ZNF605: variants seen among roughly 807,000 people sequenced by gnomAD.
The protein encoded by ZNF605 is zinc finger protein 605.
ZNF605 carries 9 observed loss-of-function variants against 7.9 expected under a neutral mutation model. That is an observed-to-expected ratio of 1.14 (90% CI 0.68 to 1.98). ZNF605 has a LOEUF of 1.98. ZNF605 is among the 30% of genes most tolerant of loss of function. The pLI is 0.00. For synonymous variants in ZNF605, 255 were observed against 260.1 expected, an observed-to-expected ratio of 0.98 and a Z score of 0.19; for missense variants, 673 against 762.4, an observed-to-expected ratio of 0.88 and a Z score of 1.38.
chr12:132,931,219 T>C (rs1338530040), intron 4 of ZNF605, among the ~76,000 whole-genome samples: 1 of 152,166 alleles, frequency 6.6e-6, no homozygotes, highest in Non-Finnish European at 1.5e-5. Flanking sequence ...GGGTAGAGGC[T>C]TAGATGGAAA....
At chr12:132,929,748 C>G (rs1315209386) in intron 4 of ZNF605, among the ~76,000 whole-genome samples, 1 of 152,082 alleles carries the variant, frequency 6.6e-6, no homozygotes, top group Non-Finnish European at 1.5e-5. Flanking sequence ...GGATCGAGAC[C>G]AGCCTGGCCA....
chr12:132,945,336 C>A, intron 3 of ZNF605: 1 of 1,086,474 alleles, frequency 9.2e-7, no homozygotes. Context: ...TATATTTTCT[C>A]TTATTTAAAT....
chr12:132,929,899 C>T (rs1207413603), intron 4 of ZNF605, among the ~76,000 whole-genome samples: 8 of 152,120 alleles, frequency 5.3e-5, no homozygotes, highest in Admixed American at 1.3e-4. Context: ...GAGCTGAGAT[C>T]GTGCCACTGC....
At chr12:132,948,849 A>AC (rs1455913664) in intron 1 of ZNF605, among the ~76,000 whole-genome samples, 1 of 152,064 alleles carries the variant, frequency 6.6e-6, no homozygotes, top group East Asian at 1.9e-4. Flanking sequence ...ACGCTCAGGA[A>AC]CCCCACGGTG....
In ZNF605 at chr12:132,941,009, T is replaced by C. The variant is rs1952434021; in HGVS notation, c.15+4612A>G. Among the ~76,000 whole-genome samples the C allele has an allele frequency of 6.6e-6, 1 of 152,026 alleles. No homozygotes were observed. The highest frequency in any genetic ancestry group is 1.5e-5 in the Non-Finnish European group (1 of 68,000). On this transcript the variant is annotated intron_variant, in intron 3 of 4. Transcript: ENST00000360187. The surrounding 1 kb of genome is among the most constrained non-coding windows in gnomAD (Gnocchi z 5.1). The stretch of plus-strand genomic sequence containing the variant: ...CAGAGAACATTTGGTTTTCTGTTCC[T>C]GAGGATGAGACATTTAGATAAAAAT...
Position 132,923,302 on chromosome 12 carries a change from C to T in ZNF605, c.*2071G>A, listed in dbSNP as rs926268647. 5 of 152,186 alleles carry T rather than the reference C, an allele frequency of 3.3e-5. No homozygotes were observed. Among genetic ancestry groups the T allele is most frequent in the African/African-American group, 1.2e-4 (5 of 41,434 alleles). 9.4% of individuals were successfully genotyped at this position (152,186 alleles called of 1,614,324 possible). A position where few individuals can be genotyped will look rare whatever the true frequency, so the allele number is the denominator to read the frequency against. ...TCAGAACTTCATTCCTTTGTACAGA[C>T]CCAAACTTAAGTTTTGTATTATTTT... On this transcript the variant is annotated 3_prime_UTR_variant, in exon 5 of 5. Coordinates refer to ENST00000360187, the MANE Select transcript of ZNF605 (RefSeq NM_183238.4).
intron 3 of ZNF605, among the ~76,000 whole-genome samples, chr12:132,934,992 CAAAGACATGGAAAT>C (rs1478823004): frequency 1.9e-4 from 29 of 152,226 alleles, no homozygotes; most frequent in Non-Finnish European, 1.2e-4. Context: ...GCAGCATGAG[CAAAGACATGGAAAT>C]AAAGTGTGTT....
chr12:132,946,234 C>T (rs1952493010), intron 2 of ZNF605, among the ~76,000 whole-genome samples: 1 of 152,092 alleles, frequency 6.6e-6, no homozygotes, highest in Middle Eastern at 3.2e-3. Context: ...CAGAGTAAAA[C>T]ACCAACTTAC....
At chr12:132,943,956 T>C (rs1952472615) in intron 3 of ZNF605, among the ~76,000 whole-genome samples, 1 of 152,216 alleles carries the variant, frequency 6.6e-6, no homozygotes, top group Admixed American at 6.5e-5. Context: ...AACAGGCCCA[T>C]GCCCAGGAAC....
chr12:132,925,312 A>G lies in ZNF605; in HGVS notation c.*61T>C. 4 of 1,296,888 alleles carry G rather than the reference A, an allele frequency of 3.1e-6. No homozygotes were observed. Among genetic ancestry groups the G allele is most frequent in the Admixed American group, 4.7e-5 (2 of 42,952 alleles). 80.3% of individuals were successfully genotyped at this position (1,296,888 alleles called of 1,614,324 possible). A position where few individuals can be genotyped will look rare whatever the true frequency, so the allele number is the denominator to read the frequency against. The stretch of plus-strand genomic sequence containing the variant: ...GGTTTCTCTCCCACATGCATCCTCA[A>G]AAGTGTCAGAAAGTATGACACTTGA... On this transcript the variant is annotated 3_prime_UTR_variant, in exon 5 of 5. Coordinates refer to ENST00000360187, the MANE Select transcript of ZNF605 (RefSeq NM_183238.4).
intron 1 of ZNF605, among the ~76,000 whole-genome samples, chr12:132,952,586 C>T (rs773137146): frequency 1.2e-3 from 189 of 151,704 alleles, no homozygotes; most frequent in Non-Finnish European, 1.8e-3. Flanking sequence ...CAGTCCGCCA[C>T]GGAAGGCTGG....
chr12:132,955,767 G>A (rs1952630563), intron 1 of ZNF605, among the ~76,000 whole-genome samples: 1 of 151,880 alleles, frequency 6.6e-6, no homozygotes, highest in Non-Finnish European at 1.5e-5. Context: ...CTCACCCAAA[G>A]GCATCCAAAT....
At chr12:132,930,246 C>T (rs952974642) in intron 4 of ZNF605, among the ~76,000 whole-genome samples, 17 of 152,228 alleles carry the variant, frequency 1.1e-4, no homozygotes, top group Middle Eastern at 3.4e-3. Flanking sequence ...GTTGCCCAGG[C>T]GGGCCTGCAA....
At chr12:132,929,148 C>G (rs952041664) in intron 4 of ZNF605, among the ~76,000 whole-genome samples, 1 of 152,146 alleles carries the variant, frequency 6.6e-6, no homozygotes, top group African/African-American at 2.4e-5. Context: ...TGACTGATGC[C>G]TGGAATCCCA....
rs908982513 is a variant in ZNF605 at position 132,946,862 on chromosome 12, G to A, written c.-162-1065C>T. Among the ~76,000 whole-genome samples the A allele has an allele frequency of 3.4e-3, 516 of 152,248 alleles. 2 individuals carry two copies. The highest frequency in any genetic ancestry group is 0.031 in the Middle Eastern group (9 of 294). ...GCCTGGCCTTCAGCCCTTCCCTCAC[G>A]CGCATCTCCAGACCACGTGGGGGAG... On this transcript the variant is annotated intron_variant, in intron 2 of 4. Transcript: ENST00000360187.
In ZNF605 at chr12:132,926,851, T is replaced by G; in HGVS notation, c.448A>C (p.Lys150Gln). Residue 150 changes from lysine to glutamine, a missense_variant, in exon 5 of 5, where the codon AAA becomes CAA. By Grantham distance (53) the Lys-to-Gln change is moderately conservative. Transcript: ENST00000360187. ...AGCCATGGCTCTTCGTTGCTGGATTTTCTACATGTACTGCAATCACAGTAT... is the reference window on the plus strand; with the variant it reads ...AGCCATGGCTCTTCGTTGCTGGATTGTCTACATGTACTGCAATCACAGTAT... ...IKYCDCSTCR[K>Q]SSNEEPWLTA... The G allele has an allele frequency of 1.2e-6, 2 of 1,614,238 alleles. No individual in the cohort carries two copies. The highest frequency in any genetic ancestry group is 1.7e-6 in the Non-Finnish European group (2 of 1,180,050).
intron 3 of ZNF605, among the ~76,000 whole-genome samples, chr12:132,943,664 G>C (rs900602267): frequency 6.6e-6 from 1 of 152,094 alleles, no homozygotes; most frequent in Non-Finnish European, 1.5e-5. Context: ...TCAGTACCTG[G>C]TACTTTTCTA....
chr12:132,951,423 G>A (rs1336209220), intron 1 of ZNF605, among the ~76,000 whole-genome samples: 3 of 148,454 alleles, frequency 2.0e-5, no homozygotes, highest in South Asian at 2.1e-4. Context: ...TCACAGACAC[G>A]TACACCCACA....
At chr12:132,954,837 C>G (rs2137173282) in intron 1 of ZNF605, among the ~76,000 whole-genome samples, 1 of 152,172 alleles carries the variant, frequency 6.6e-6, no homozygotes, top group Admixed American at 6.5e-5. Context: ...TCCACGCACT[C>G]ACAACTTGCA....
Sources: allele counts gnomAD v4.1 joint callset (sites outside exome capture counted in the v4.1 genomes callset), GRCh38; gene constraint gnomAD v4.1.1; non-coding constraint Gnocchi (gnomAD v3.1); transcripts MANE v1.5; gene names NCBI Gene and HGNC (gene_info 2026-07-23, HGNC 2026-07-21).